The following PRRC2A variants were observed in gnomAD, a reference collection of about 807,000 sequenced individuals.
PRRC2A encodes the protein protein PRRC2A.
A neutral mutation model predicts 224.6 loss-of-function variants in PRRC2A; 59 were observed. The observed-to-expected ratio is 0.26, with a 90% confidence interval of 0.21 to 0.33. The LOEUF is 0.33. Ranked by LOEUF, PRRC2A falls within the 10% of genes least tolerant of loss-of-function variation. The pLI is 1.00. For missense variants in PRRC2A, 3,095 were observed against 2,880.7 expected (o/e 1.07, Z -1.70); for synonymous variants, 1,194 against 1,109.5 (o/e 1.08, Z -1.51).
At chr6:31,633,126 T>A in intron 16 of PRRC2A, 134 bp downstream of exon 16, 1 of 1,293,872 alleles carries the variant, frequency 7.7e-7, no homozygotes, top group Non-Finnish European at 1.0e-6. Flanking sequence ...CAGTAGGATT[T>A]CCATGTCTGG....
chr6:31,636,407 A>G lies in PRRC2A; in HGVS notation c.5823A>G (p.Thr1941=), dbSNP rs748635660. Residue 1941 remains threonine, a synonymous_variant, in exon 26 of 31, where the codon ACA becomes ACG. Transcript: ENST00000376033. The surrounding 1 kb of genome is among the most constrained non-coding windows in gnomAD (Gnocchi z 4.3). The part of the protein sequence containing the change: ...PAFCPSPLPD[T]SLLQVRQDLP... Reference sequence around the variant, plus strand: ...TCTGCCCCAGTCCTTTGCCTGACACATCGTTGCTTCAGGTAAGAGGGGGGC... The same window carrying G: ...TCTGCCCCAGTCCTTTGCCTGACACGTCGTTGCTTCAGGTAAGAGGGGGGC... The G allele has an allele frequency of 1.5e-5, 24 of 1,612,418 alleles. 1 individual carries two copies. In the South Asian group the frequency reaches 2.0e-4, roughly 13 times the overall value.
At position 31,637,287 on chromosome 6, in the gene PRRC2A, G is replaced by T; in HGVS notation, c.6296G>T (p.Gly2099Val). 1.2e-6 allele frequency: 2 copies of T among 1,612,696 alleles called. No individual in the cohort carries two copies. The highest frequency in any genetic ancestry group is 1.1e-5 in the South Asian group (1 of 91,072). ...AAGGCCACGCCTTCCACCTACAGTG[G>T]AGTCTTCCGCACCCAGCGCGTCGAC... ...RLKATPSTYSGVFRTQRVDLY... is the reference protein window; with the variant it reads ...RLKATPSTYSVVFRTQRVDLY... The change falls in exon 30 of 31, where the codon GGA becomes GTA. Residue 2099 changes from glycine (G) to valine (V), a missense_variant. Physicochemically the swap from Gly to Val is moderately radical, Grantham distance 109. This residue lies in a region of PRRC2A where 662 missense variants were observed against 609.5 expected (regional missense o/e 1.09). Transcript: ENST00000376033.
chr6:31,634,389 C>T (rs1462735552), intron 19 of PRRC2A, 24 bp downstream of exon 19: 3 of 1,612,312 alleles, frequency 1.9e-6, no homozygotes, highest in Non-Finnish European at 2.5e-6. Context: ...AGTGAAAGGA[C>T]TATGGTAGAA....
chr6:31,629,957 G>A, intron 14 of PRRC2A, 112 bp downstream of exon 14: 1 of 1,506,488 alleles, frequency 6.6e-7, no homozygotes, highest in Non-Finnish European at 8.9e-7. Context: ...TCATAGTGAT[G>A]AGGGAAGGGC....
Position 31,629,191 on chromosome 6 carries a change from G to A in PRRC2A, c.1813G>A (p.Val605Ile). 1 of 1,614,074 alleles carries A rather than the reference G, an allele frequency of 6.2e-7. No individual in the cohort carries two copies. The highest frequency in any genetic ancestry group is 8.5e-7 in the Non-Finnish European group (1 of 1,180,012). The change falls in exon 13 of 31, where the codon GTT becomes ATT. Residue 605 changes from valine (V) to isoleucine (I), a missense_variant. Around this residue, in one of 8 missense-constraint regions of PRRC2A, gnomAD observed 2,001 missense variants for 1,764.9 expected, o/e 1.13. Coordinates refer to ENST00000376033, the MANE Select transcript of PRRC2A (RefSeq NM_004638.4). Reference sequence around the variant, plus strand: ...AGAGGGTCCTGAACCACCAGAAGAGGTTCCTCCTCCTACCACACCCCCAGT... The same window carrying A: ...AGAGGGTCCTGAACCACCAGAAGAGATTCCTCCTCCTACCACACCCCCAGT... ...SKEGPEPPEE[V>I]PPPTTPPVPK...
intron 14 of PRRC2A, among the ~76,000 whole-genome samples, 179 bp downstream of exon 14, chr6:31,630,024 A>G (rs1776365941): frequency 6.6e-6 from 1 of 152,198 alleles, no homozygotes; most frequent in African/African-American, 2.4e-5. Flanking sequence ...GTTAAGAAAT[A>G]AGCAGTGGTT....
rs141848058 is a variant in PRRC2A at position 31,627,117 on chromosome 6, G to C, written c.1209G>C (p.Pro403=). The C allele has an allele frequency of 4.3e-6, 7 of 1,613,806 alleles. No individual in the cohort carries two copies. In the African/African-American group the frequency reaches 5.3e-5, roughly 12 times the overall value. ...CCTCTCGGCCTCCAGAGACAGAGCC[G>C]GGACCTCCTGCCCCAAAGCCTCCCC... ...AETSRPPETE[P]GPPAPKPPLP... is the part of the protein sequence containing the mutation. Residue 403 remains proline (P), a synonymous_variant, in exon 11 of 31, where the codon CCG becomes CCC. Coordinates refer to ENST00000376033, the MANE Select transcript of PRRC2A (RefSeq NM_004638.4). This position sits in a 1 kb window ranked among gnomAD's most constrained non-coding sequence, Gnocchi z 5.6.
chr6:31,623,709 CCT>C, intron 2 of PRRC2A, 21 bp from the exon 3 acceptor site: 2 of 1,611,538 alleles, frequency 1.2e-6, no homozygotes, highest in Non-Finnish European at 1.7e-6. Context: ...CATTTTCGAC[CCT>C]CTCTCCGTCT....
In PRRC2A at chr6:31,622,784, A is replaced by C; in HGVS notation, c.-6A>C. The C allele has an allele frequency of 6.2e-7, 1 of 1,610,430 alleles. No homozygotes were observed. The highest frequency in any genetic ancestry group is 8.5e-7 in the Non-Finnish European group (1 of 1,178,496). On this transcript the variant is annotated 5_prime_UTR_variant, in exon 2 of 31. Transcript: ENST00000376033. ...GACCCAACATACTCAATGAGCTTCC[A>C]GCGCAATGTCCGATCGCTCGGGGCC...
intron 16 of PRRC2A, 112 bp downstream of exon 16, chr6:31,633,104 G>C: frequency 7.5e-7 from 1 of 1,331,194 alleles, no homozygotes; most frequent in Non-Finnish European, 1.0e-6. Flanking sequence ...GGGGCCATGG[G>C]CTCTAGAATG....
At chr6:31,624,632 C>A in intron 5 of PRRC2A, 110 bp downstream of exon 5, 1 of 1,221,048 alleles carries the variant, frequency 8.2e-7, no homozygotes, top group Non-Finnish European at 1.2e-6. Context: ...AAATCAAGGA[C>A]CACCCATATT....
Position 31,637,501 on chromosome 6 carries a change from C to T in PRRC2A, c.6389C>T (p.Pro2130Leu), listed in dbSNP as rs1046756. ...CCTAAGCCTTGGGAGCGGACAGGGCCGCCACCTCGAGAAGGGCCCTCCCGA... is the reference window on the plus strand; with the variant it reads ...CCTAAGCCTTGGGAGCGGACAGGGCTGCCACCTCGAGAAGGGCCCTCCCGA... The part of the protein sequence containing the change: ...WIPKPWERTG[P>L]PPREGPSRRA... Residue 2130 changes from proline to leucine, a missense_variant, in exon 31 of 31, where the codon CCG becomes CTG. By Grantham distance (98) the Pro-to-Leu change is moderately conservative. Transcript: ENST00000376033. 55,224 of 1,574,932 alleles carry T rather than the reference C, an allele frequency of 0.035. 1,691 individuals carry two copies. The highest frequency in any genetic ancestry group is 0.13 in the African/African-American group (9,576 of 73,650).
chr6:31,627,136 C>T lies in PRRC2A; in HGVS notation c.1228C>T (p.Pro410Ser), dbSNP rs780026971. 72 of 1,613,716 alleles carry T rather than the reference C, an allele frequency of 4.5e-5. No homozygotes were observed. Among genetic ancestry groups the T allele is most frequent in the Non-Finnish European group, 5.2e-5 (61 of 1,179,942 alleles). ...AGAGCCGGGACCTCCTGCCCCAAAG[C>T]CTCCCCTACCCCCACCTCACCGGGG... ...ETEPGPPAPKPPLPPPHRGPA... is the reference protein window; with the variant it reads ...ETEPGPPAPKSPLPPPHRGPA... Residue 410 changes from proline (P) to serine (S), a missense_variant, in exon 11 of 31, where the codon CCT becomes TCT. By Grantham distance (74) the Pro-to-Ser change is moderately conservative. Around this residue, in one of 8 missense-constraint regions of PRRC2A, gnomAD observed 2,001 missense variants for 1,764.9 expected, o/e 1.13. Transcript: ENST00000376033. The surrounding 1 kb of genome is among the most constrained non-coding windows in gnomAD (Gnocchi z 5.6).
rs769665696 is a variant in PRRC2A, at chr6:31,635,583, C to T, written c.5375C>T (p.Ala1792Val). 9 of 1,610,826 alleles carry T rather than the reference C, an allele frequency of 5.6e-6. No homozygotes were observed. The highest frequency in any genetic ancestry group is 7.6e-6 in the Non-Finnish European group (9 of 1,178,588). Reference protein sequence around the residue: ...EKELTASVTEAIPVSRDWELL... With the variant: ...EKELTASVTEVIPVSRDWELL... Reference sequence around the variant, plus strand: ...CTCCACGAGGCCTCTCCTTCCCAGGCCATTCCTGTATCACGAGACTGGGAG... The same window carrying T: ...CTCCACGAGGCCTCTCCTTCCCAGGTCATTCCTGTATCACGAGACTGGGAG... Residue 1792 changes from alanine (A) to valine (V), a missense_variant and splice_region_variant, in exon 24 of 31, where the codon GCC becomes GTC. Coordinates refer to ENST00000376033, the MANE Select transcript of PRRC2A (RefSeq NM_004638.4).
chr6:31,637,658 G>A lies in PRRC2A; in HGVS notation c.*72G>A. 2.3e-6 allele frequency: 2 copies of A among 858,364 alleles called. No homozygotes were observed. The highest frequency in any genetic ancestry group is 3.3e-6 in the Non-Finnish European group (2 of 611,920). 53.2% of individuals were successfully genotyped at this position (858,364 alleles called of 1,614,324 possible). On this transcript the variant is annotated 3_prime_UTR_variant, in exon 31 of 31. Coordinates refer to ENST00000376033, the MANE Select transcript of PRRC2A (RefSeq NM_004638.4). ...AAATATATAAGGGGGAAAGGGGTGG[G>A]CGGGGAGGGGTTCTGGGGCTGGGGC... is the stretch of plus-strand genomic sequence containing the variant.
rs770276799 is a variant in PRRC2A, at chr6:31,622,847, C to T, written c.58C>T (p.Leu20Phe). 1 of 1,614,098 alleles carries T rather than the reference C, an allele frequency of 6.2e-7. No homozygotes were observed. The highest frequency in any genetic ancestry group is 8.5e-7 in the Non-Finnish European group (1 of 1,180,014). The change falls in exon 2 of 31, where the codon CTC becomes TTC. Residue 20 changes from leucine (L) to phenylalanine (F), a missense_variant. Leu to Phe is a conservative substitution (Grantham distance 22). This residue lies in a region of PRRC2A where 64 missense variants were observed against 68.2 expected (regional missense o/e 0.94). Coordinates refer to ENST00000376033, the MANE Select transcript of PRRC2A (RefSeq NM_004638.4). ...AAAGGATGGAAAGAAGTATTCCTCG[C>T]TCAACCTGTTTGATACGTATAAGGG... ...KGKDGKKYSSLNLFDTYKGKS... is the reference protein window; with the variant it reads ...KGKDGKKYSSFNLFDTYKGKS...
Position 31,636,488 on chromosome 6 carries a change from A to T in PRRC2A, c.5836-22A>T. 2 of 1,608,410 alleles carry T rather than the reference A, an allele frequency of 1.2e-6. No homozygotes were observed. The highest frequency in any genetic ancestry group is 2.2e-5 in the South Asian group (2 of 90,984). On this transcript the variant is annotated intron_variant, in intron 26 of 30. Coordinates refer to ENST00000376033, the MANE Select transcript of PRRC2A (RefSeq NM_004638.4). This position sits in a 1 kb window ranked among gnomAD's most constrained non-coding sequence, Gnocchi z 4.3. The stretch of plus-strand genomic sequence containing the variant: ...AGAATGATTTTGTGGGGGTTGATAT[A>T]TTTCTCCCTGTTTCCCGACAGGTAC...
In PRRC2A at chr6:31,629,617, C is replaced by G. The variant is rs1311174781; in HGVS notation, c.2026C>G (p.Pro676Ala). 1.2e-6 allele frequency: 2 copies of G among 1,612,602 alleles called. No homozygotes were observed. The highest frequency in any genetic ancestry group is 3.3e-5 in the Admixed American group (2 of 59,992). The part of the protein sequence containing the change: ...QHQQGSAPPT[P>A]VPPSPPQPVT... ...TCAACAGGGCTCTGCCCCTCCTACC[C>G]CAGTGCCCCCATCACCACCACAGCC... Residue 676 changes from proline (P) to alanine (A), a missense_variant, in exon 14 of 31, where the codon CCA (proline) becomes GCA (alanine). Physicochemically the swap from Pro to Ala is conservative, Grantham distance 27 (BLOSUM62 -1). Transcript: ENST00000376033.
At position 31,637,437 on chromosome 6, in the gene PRRC2A, G is replaced by A; in HGVS notation, c.6334-9G>A. ...GTGACTCACTGTTTAACACATGCCT[G>A]TCCCCTAGGCCTCCCCACCAGATGC... is the stretch of plus-strand genomic sequence containing the variant. On this transcript the variant is annotated splice_polypyrimidine_tract_variant and intron_variant, in intron 30 of 30. Transcript: ENST00000376033. 1.3e-6 allele frequency: 2 copies of A among 1,589,536 alleles called. No individual in the cohort carries two copies. The highest frequency in any genetic ancestry group is 1.7e-6 in the Non-Finnish European group (2 of 1,165,846).
Sources: allele counts gnomAD v4.1 joint callset (sites outside exome capture counted in the v4.1 genomes callset), GRCh38; gene constraint gnomAD v4.1.1; regional missense constraint gnomAD v4.1.1; non-coding constraint Gnocchi (gnomAD v3.1); transcripts MANE v1.5; gene names NCBI Gene and HGNC (gene_info 2026-07-23, HGNC 2026-07-21).